The following SLC28A1 variants were observed in gnomAD, a reference collection of about 807,000 sequenced individuals.
SLC28A1 encodes the protein solute carrier family 28 member 1, also known as sodium/nucleoside cotransporter 1.
In SLC28A1, 64 loss-of-function variants were observed where a neutral mutation model predicts 74.8. The ratio of observed to expected loss-of-function variants is 0.86; its 90% CI spans 0.70 to 1.05. The LOEUF (loss-of-function observed/expected upper bound fraction) is 1.05. SLC28A1 is among the 50% of genes least tolerant of loss of function. The pLI is 0.00. For synonymous variants in SLC28A1, 359 were observed against 335.0 expected (o/e 1.07, Z -0.78); for missense variants, 828 against 822.8 (o/e 1.01, Z -0.08).
At chr15:84,910,239 G>A (rs748185061) in intron 9 of SLC28A1, among the ~76,000 whole-genome samples, 5 of 152,184 alleles carry the variant, frequency 3.3e-5, no homozygotes, top group Non-Finnish European at 5.9e-5. Context: ...AGAATATTGG[G>A]AGGGGGAGCC....
intron 15 of SLC28A1, among the ~76,000 whole-genome samples, chr15:84,943,020 G>A (rs1451924826): frequency 6.6e-5 from 10 of 151,852 alleles, no homozygotes; most frequent in Non-Finnish European, 1.5e-5. Flanking sequence ...CCCCATCTCC[G>A]CTAAAAATAC....
intron 5 of SLC28A1, among the ~76,000 whole-genome samples, chr15:84,891,695 G>T (rs1205696599): frequency 6.6e-6 from 1 of 152,216 alleles, no homozygotes; most frequent in Admixed American, 6.5e-5. Context: ...GGAGGCCACT[G>T]GTGACTTAGG....
intron 8 of SLC28A1, among the ~76,000 whole-genome samples, chr15:84,908,210 G>C (rs576586316): frequency 9.1e-6 from 1 of 109,706 alleles, no homozygotes; most frequent in East Asian, 3.1e-4. Flanking sequence ...TTGAGACAGA[G>C]TCTCGCTCTG....
the SLC28A1 span, among the ~76,000 whole-genome samples, chr15:84,957,124 T>A: frequency 6.6e-6 from 1 of 152,210 alleles, no homozygotes; most frequent in Admixed American, 6.5e-5. Flanking sequence ...ACTATAAAAT[T>A]ACCCTATAGT....
chr15:84,904,320 T>C, intron 7 of SLC28A1, 82 bp downstream of exon 7: 1 of 1,596,024 alleles, frequency 6.3e-7, no homozygotes, highest in African/African-American at 1.3e-5. Flanking sequence ...AGCTGGGGTA[T>C]AGGCAGATGT....
intron 9 of SLC28A1, among the ~76,000 whole-genome samples, chr15:84,913,179 A>T (rs1172505105): frequency 6.6e-6 from 1 of 152,246 alleles, no homozygotes; most frequent in Non-Finnish European, 1.5e-5. Context: ...TGGCGGTGGT[A>T]CTGGTACAGT....
the SLC28A1 span, among the ~76,000 whole-genome samples, chr15:84,950,916 G>A: frequency 0.25 from 37,245 of 151,962 alleles, 5,535 homozygotes; most frequent in East Asian, 0.55. Context: ...CTCTGCACTT[G>A]TAGTTGAAAG....
At chr15:84,923,853 A>G in intron 11 of SLC28A1, 132 bp from the exon 12 acceptor site, 1 of 1,192,356 alleles carries the variant, frequency 8.4e-7, no homozygotes, top group South Asian at 1.3e-5. Context: ...TCAGCCAAGT[A>G]CAGACCCTGG....
chr15:84,917,098 C>T (rs1002030866), intron 9 of SLC28A1, among the ~76,000 whole-genome samples: 2 of 147,614 alleles, frequency 1.4e-5, no homozygotes, highest in Non-Finnish European at 3.0e-5. Flanking sequence ...AAGAAAACAA[C>T]ATTTCCATAG....
rs1479704733 is a variant in SLC28A1, at chr15:84,944,832, T to C, written c.1839T>C (p.Phe613=). 1 of 1,611,570 alleles carries C rather than the reference T, an allele frequency of 6.2e-7. No individual in the cohort carries two copies. Among genetic ancestry groups the C allele is most frequent in the South Asian group, 1.1e-5 (1 of 91,026 alleles). The change falls in exon 18 of 19, where the codon TTT becomes TTC. Residue 613 remains phenylalanine (F), a synonymous_variant. Transcript: ENST00000394573. ...LLNTTLSSSS[F]EIYQCCREAF... The stretch of plus-strand genomic sequence containing the variant: ...ACACGACCCTCAGCAGCAGTAGCTT[T>C]GAGATTTACCAGTGCTGCCGTGAGG...
At chr15:84,967,575 A>G in the SLC28A1 span, among the ~76,000 whole-genome samples, 1 of 152,228 alleles carries the variant, frequency 6.6e-6, no homozygotes, top group African/African-American at 2.4e-5. Context: ...CCAAAAAGAA[A>G]CAGGAAGTTA....
chr15:84,920,730 C>T (rs959995647), intron 10 of SLC28A1, among the ~76,000 whole-genome samples: 3 of 119,584 alleles, frequency 2.5e-5, no homozygotes, highest in Admixed American at 9.8e-5. Context: ...GTGTGCATTT[C>T]ACAATTCTCA....
intron 15 of SLC28A1, among the ~76,000 whole-genome samples, chr15:84,936,321 A>G (rs1199577791): frequency 6.6e-6 from 1 of 151,608 alleles, no homozygotes; most frequent in Non-Finnish European, 1.5e-5. Flanking sequence ...GCAGTGGCAC[A>G]TTCTTAGCTC....
chr15:84,927,316 C>G (rs1025222996), intron 12 of SLC28A1, among the ~76,000 whole-genome samples: 1 of 152,142 alleles, frequency 6.6e-6, no homozygotes, highest in Non-Finnish European at 1.5e-5. Flanking sequence ...TGCATACACA[C>G]GGGGGCCTTC....
chr15:84,971,378 A>G, the SLC28A1 span, among the ~76,000 whole-genome samples: 1 of 152,176 alleles, frequency 6.6e-6, no homozygotes, highest in Admixed American at 6.5e-5. Flanking sequence ...AAGATCCCTC[A>G]TGAATGTGTT....
downstream of SLC28A1, among the ~76,000 whole-genome samples, chr15:84,950,605 G>A (rs1257430441): frequency 6.6e-6 from 1 of 152,112 alleles, no homozygotes; most frequent in African/African-American, 2.4e-5. Context: ...TACTCACGAG[G>A]TTGAGGTGGG....
Position 84,893,559 on chromosome 15 carries a change from C to G in SLC28A1, c.278-1381C>G, listed in dbSNP as rs147354141. On this transcript the variant is annotated intron_variant, in intron 5 of 18. Transcript: ENST00000394573. ...TTGGAACCTCCCTTCATCCCTTCCT[C>G]TGGGGGTCACCGGGGGGGCTTATCT... Among the ~76,000 whole-genome samples, 14 of 123,766 alleles carry G rather than the reference C, an allele frequency of 1.1e-4. No homozygotes were observed. In the East Asian group the frequency reaches 3.6e-3, roughly 32 times the overall value. 81.2% of individuals were successfully genotyped at this position (123,766 alleles called of 152,430 possible).
the SLC28A1 span, among the ~76,000 whole-genome samples, chr15:84,958,336 C>G: frequency 1.3e-5 from 2 of 152,180 alleles, no homozygotes; most frequent in African/African-American, 4.8e-5. Flanking sequence ...GCTTACACCT[C>G]TCTTGGGTGG....
At chr15:84,948,128 C>T (rs2079295962), downstream of SLC28A1, among the ~76,000 whole-genome samples, 1 of 152,098 alleles carries the variant, frequency 6.6e-6, no homozygotes, top group Admixed American at 6.5e-5. Flanking sequence ...GCTACATTGA[C>T]CCCCCTTCTG....
Sources: gnomAD v4.1 joint callset for allele counts (sites outside exome capture counted in the v4.1 genomes callset) on GRCh38, gnomAD v4.1.1 for gene constraint, MANE v1.5 for transcripts, NCBI Gene and HGNC (gene_info 2026-07-23, HGNC 2026-07-21) for gene names.